NDC1: variants seen among roughly 807,000 people sequenced by gnomAD.
The protein encoded by NDC1 is nucleoporin NDC1.
Under a neutral mutation model 89.8 loss-of-function variants are expected in NDC1, and 24 were observed. That is an observed-to-expected ratio of 0.27 (90% confidence interval 0.19 to 0.38). The LOEUF (loss-of-function observed/expected upper bound fraction) is 0.38. Among genes scored for constraint, NDC1 ranks in the 10% least tolerant of loss-of-function variants. The pLI is 1.00. For synonymous variants in NDC1, 296 were observed against 284.8 expected, an observed-to-expected ratio of 1.04 and a Z score of -0.39; for missense variants, 728 against 797.6, an observed-to-expected ratio of 0.91 and a Z score of 1.05.
At chr1:53,782,697 C>T (rs558198987) in intron 16 of NDC1, among the ~76,000 whole-genome samples, 1 of 152,190 alleles carries the variant, frequency 6.6e-6, no homozygotes, top group Non-Finnish European at 1.5e-5. Flanking sequence ...TTACTAAGAT[C>T]TAATTAAAAT....
Position 53,772,441 on chromosome 1 carries a change from G to A in NDC1, c.1849C>T (p.Arg617Trp), listed in dbSNP as rs991404778. 1.2e-5 allele frequency: 19 copies of A among 1,613,300 alleles called. No homozygotes were observed. Among genetic ancestry groups the A allele is most frequent in the Admixed American group, 1.2e-4 (7 of 59,964 alleles). ...GTGTCCACAAGGCTTCCTGAAATCC[G>A]GGGTGGTTTACTGGAAGCATGAGGA... ...KLPHASSKPP[R>W]ISGSLVDTSY... Residue 617 changes from arginine to tryptophan, a missense_variant, in exon 17 of 18, where the codon CGG becomes TGG. By Grantham distance (101) the Arg-to-Trp change is moderately radical (BLOSUM62 -3). Transcript: ENST00000371429.
At chr1:53,821,683 G>A (rs1368045604) in intron 5 of NDC1, among the ~76,000 whole-genome samples, 3 of 152,160 alleles carry the variant, frequency 2.0e-5, no homozygotes, top group African/African-American at 7.2e-5. Flanking sequence ...AGAGAGGCTA[G>A]GGAAGCAGGT....
chr1:53,810,348 G>A (rs74084418), intron 6 of NDC1, among the ~76,000 whole-genome samples: 9,238 of 151,276 alleles, frequency 0.061, 840 homozygotes, highest in African/African-American at 0.2. Flanking sequence ...TGACCCCTGC[G>A]CAAGGATGAC....
chr1:53,809,874 T>C (rs1417403382), intron 6 of NDC1, 128 bp from the exon 7 acceptor site: 4 of 688,638 alleles, frequency 5.8e-6, no homozygotes, highest in Non-Finnish European at 7.8e-6. Context: ...GTTAGACTTA[T>C]TAGGAATGAG....
chr1:53,838,103 G>T, intron 1 of NDC1, 102 bp downstream of exon 1: 1 of 1,073,586 alleles, frequency 9.3e-7, no homozygotes, highest in Middle Eastern at 3.0e-4. Context: ...TCTCCACGCT[G>T]CCCCGGGACC....
At chr1:53,811,089 C>T (rs1339499129) in intron 6 of NDC1, among the ~76,000 whole-genome samples, 1 of 152,162 alleles carries the variant, frequency 6.6e-6, no homozygotes, top group African/African-American at 2.4e-5. Flanking sequence ...AAGCGAAATA[C>T]AGGGGTAGAG....
chr1:53,813,091 A>T (rs1175173738), intron 6 of NDC1, among the ~76,000 whole-genome samples: 1 of 152,238 alleles, frequency 6.6e-6, no homozygotes, highest in East Asian at 1.9e-4. Flanking sequence ...CACCATTACA[A>T]GAACTGCTAA....
intron 16 of NDC1, among the ~76,000 whole-genome samples, chr1:53,779,126 A>AAG (rs1647184605): frequency 6.6e-6 from 1 of 151,362 alleles, no homozygotes; most frequent in East Asian, 1.9e-4. Flanking sequence ...TCGCAAAAAA[A>AAG]AAAAAAAAAA....
At chr1:53,801,208 T>C (rs1176698776) in intron 10 of NDC1, among the ~76,000 whole-genome samples, 1 of 152,076 alleles carries the variant, frequency 6.6e-6, no homozygotes, top group Non-Finnish European at 1.5e-5. Context: ...AACAGACTGC[T>C]ATGACTGTGA....
intron 3 of NDC1, among the ~76,000 whole-genome samples, 171 bp from the exon 4 acceptor site, chr1:53,828,344 A>T (rs2100691562): frequency 6.6e-6 from 1 of 152,332 alleles, no homozygotes; most frequent in Non-Finnish European, 1.5e-5. Context: ...AGTTAAAAAA[A>T]TTTGAGGAAA....
chr1:53,798,972 T>G (rs1647819866), intron 11 of NDC1, among the ~76,000 whole-genome samples: 1 of 152,176 alleles, frequency 6.6e-6, no homozygotes, highest in Non-Finnish European at 1.5e-5. Context: ...GAGACAAATT[T>G]TGGCTGAGTG....
chr1:53,809,815 T>C (rs1396104771), intron 6 of NDC1, 69 bp from the exon 7 acceptor site: 23 of 1,221,574 alleles, frequency 1.9e-5, no homozygotes, highest in Non-Finnish European at 2.7e-5. Context: ...AGCTTTAGAA[T>C]ATAAGGTCAA....
chr1:53,820,143 T>C (rs1327151702), intron 5 of NDC1, among the ~76,000 whole-genome samples: 1 of 151,770 alleles, frequency 6.6e-6, no homozygotes, highest in Admixed American at 6.6e-5. Flanking sequence ...TAATCGCAGC[T>C]ACTCGGGAGG....
chr1:53,825,915 T>C lies in NDC1; in HGVS notation c.477A>G (p.Gln159=), dbSNP rs1336606303. Residue 159 remains glutamine (Q), a synonymous_variant, in exon 5 of 18, where the codon CAA becomes CAG. Transcript: ENST00000371429. ...AAAGATGATATTCATTTAAGCAGGTTTGCGCAGCAGGGCTACCAAAGCTGA... is the reference window on the plus strand; with the variant it reads ...AAAGATGATATTCATTTAAGCAGGTCTGCGCAGCAGGGCTACCAAAGCTGA... The part of the protein sequence containing the change: ...GTNSFGSPAA[Q]TCLNEYHLFF... 1.2e-6 allele frequency: 2 copies of C among 1,612,152 alleles called. No homozygotes were observed. Among genetic ancestry groups the C allele is most frequent in the Non-Finnish European group, 1.7e-6 (2 of 1,179,366 alleles).
At chr1:53,769,300 C>T (rs982707946) in intron 17 of NDC1, among the ~76,000 whole-genome samples, 1 of 152,140 alleles carries the variant, frequency 6.6e-6, no homozygotes, top group Non-Finnish European at 1.5e-5. Flanking sequence ...GAAAGTTGCA[C>T]ATATGTAGGA....
intron 17 of NDC1, 93 bp from the exon 18 acceptor site, chr1:53,768,126 A>G: frequency 2.8e-6 from 2 of 703,572 alleles, no homozygotes; most frequent in Admixed American, 6.9e-5. Flanking sequence ...TTTCAAAACA[A>G]TTAAAAATGA....
intron 10 of NDC1, 126 bp from the exon 11 acceptor site, chr1:53,800,974 G>T: frequency 1.3e-6 from 1 of 782,282 alleles, no homozygotes; most frequent in Non-Finnish European, 2.0e-6. Context: ...TCTTAGTGAA[G>T]CTACTATTTA....
chr1:53,797,383 C>A (rs975515026), intron 11 of NDC1, among the ~76,000 whole-genome samples: 1 of 152,162 alleles, frequency 6.6e-6, no homozygotes, highest in East Asian at 1.9e-4. Flanking sequence ...TTTTCCCCCC[C>A]CATGAATATC....
chr1:53,768,067 A>G (rs1394183958), intron 17 of NDC1, 34 bp from the exon 18 acceptor site: 2 of 1,479,112 alleles, frequency 1.4e-6, no homozygotes, highest in African/African-American at 1.4e-5. Flanking sequence ...CATAAGCTTT[A>G]TTTTACATTA....
Sources: gnomAD v4.1 joint callset for allele counts (sites outside exome capture counted in the v4.1 genomes callset) on GRCh38, gnomAD v4.1.1 for gene constraint, MANE v1.5 for transcripts, NCBI Gene and HGNC (gene_info 2026-07-23, HGNC 2026-07-21) for gene names.